Variants in CCDC91 observed in about 807,000 individuals in gnomAD.
The protein encoded by CCDC91 is coiled-coil domain containing 91, also known as coiled-coil domain-containing protein 91.
CCDC91 carries 48 observed loss-of-function variants against 63.2 expected under a neutral mutation model. That is an observed-to-expected ratio of 0.76 (90% confidence interval 0.60 to 0.97). The LOEUF is 0.97. CCDC91 is among the 50% of genes least tolerant of loss of function. The probability of loss-of-function intolerance (pLI) is 0.00; values close to 1 mark genes in which losing one functional copy is unlikely to be tolerated. For synonymous variants in CCDC91, 167 were observed against 165.8 expected (o/e 1.01, Z -0.06); for missense variants, 500 against 494.6 (o/e 1.01, Z -0.10).
chr12:28,378,538 G>A (rs1945087992), intron 7 of CCDC91, among the ~76,000 whole-genome samples: 1 of 151,924 alleles, frequency 6.6e-6, no homozygotes, highest in Non-Finnish European at 1.5e-5. Flanking sequence ...TCCCTTGATT[G>A]GATATTGCTA....
chr12:28,483,690 G>A (rs1454713628), intron 11 of CCDC91, among the ~76,000 whole-genome samples: 2 of 152,086 alleles, frequency 1.3e-5, no homozygotes, highest in Non-Finnish European at 2.9e-5. Flanking sequence ...GAGCATTAGA[G>A]TGTTCTTGGA....
intron 8 of CCDC91, among the ~76,000 whole-genome samples, chr12:28,396,673 TGTGTGTGG>T (rs1238062565): frequency 8.7e-5 from 12 of 138,548 alleles, no homozygotes; most frequent in East Asian, 4.4e-4. Context: ...TGTGTGTGTG[TGTGTGTGG>T]GCATGTGTGT....
chr12:28,475,446 C>T (rs1231536493), intron 11 of CCDC91, among the ~76,000 whole-genome samples: 1 of 151,980 alleles, frequency 6.6e-6, no homozygotes, highest in Non-Finnish European at 1.5e-5. Context: ...TACTGTATAT[C>T]TATTAAAATT....
chr12:28,355,542 T>C (rs1943468625), intron 6 of CCDC91, among the ~76,000 whole-genome samples: 1 of 152,192 alleles, frequency 6.6e-6, no homozygotes, highest in Non-Finnish European at 1.5e-5. Flanking sequence ...GTGATGAATT[T>C]AGTGTGACCT....
intron 7 of CCDC91, among the ~76,000 whole-genome samples, chr12:28,365,958 T>G (rs979260722): frequency 6.6e-6 from 1 of 152,196 alleles, no homozygotes; most frequent in African/African-American, 2.4e-5. Context: ...CCTGTCCCTG[T>G]TGAGCTGAAA....
At chr12:28,253,502 C>G (rs943009744) in intron 1 of CCDC91, among the ~76,000 whole-genome samples, 11 of 152,136 alleles carry the variant, frequency 7.2e-5, no homozygotes, top group African/African-American at 2.7e-4. Context: ...TTAGCATATA[C>G]CTATGACTCT....
At chr12:28,448,230 G>A (rs1436582029) in intron 8 of CCDC91, among the ~76,000 whole-genome samples, 1 of 152,074 alleles carries the variant, frequency 6.6e-6, no homozygotes, top group African/African-American at 2.4e-5. Flanking sequence ...AGAAGAATGT[G>A]GAAGAATTCG....
chr12:28,525,601 A>T (rs1192049141), intron 12 of CCDC91, among the ~76,000 whole-genome samples: 1 of 152,062 alleles, frequency 6.6e-6, no homozygotes, highest in Non-Finnish European at 1.5e-5. Flanking sequence ...CGTTCTGTAA[A>T]TATCTGTTAA....
chr12:28,373,440 T>C (rs1205553951), intron 7 of CCDC91, among the ~76,000 whole-genome samples: 2 of 152,156 alleles, frequency 1.3e-5, no homozygotes, highest in Non-Finnish European at 2.9e-5. Context: ...TTACTTTCAT[T>C]ATGTATGTGT....
At chr12:28,403,706 A>C (rs1040695121) in intron 8 of CCDC91, among the ~76,000 whole-genome samples, 2 of 152,158 alleles carry the variant, frequency 1.3e-5, no homozygotes, top group African/African-American at 4.8e-5. Flanking sequence ...AATGTATTTA[A>C]TAGATATAGG....
chr12:28,359,928 A>G (rs2138495702), intron 6 of CCDC91, among the ~76,000 whole-genome samples: 1 of 152,316 alleles, frequency 6.6e-6, no homozygotes, highest in East Asian at 1.9e-4. Context: ...GGAGTTCCAA[A>G]GTGATGAGTT....
intron 3 of CCDC91, among the ~76,000 whole-genome samples, chr12:28,263,008 A>T (rs528194854): frequency 6.6e-6 from 1 of 152,072 alleles, no homozygotes; most frequent in African/African-American, 2.4e-5. Flanking sequence ...AAACTGTGAT[A>T]CACATAGTGT....
rs138211713 is a variant in CCDC91 at position 28,429,834 on chromosome 12, T to TA, written c.763-20318dup. ...CAATTTTGTAATTACAAATCAAGAT[T>TA]AAAAAAAAATTTAATCGCATCCCAA... On this transcript the variant is annotated intron_variant, in intron 8 of 12. Coordinates refer to ENST00000536442, the MANE Select transcript of CCDC91 (RefSeq NM_018318.5). Among the ~76,000 whole-genome samples the TA allele has an allele frequency of 5.3e-5, 8 of 151,650 alleles. No individual in the cohort carries two copies. The East Asian group carries it at 1.2e-3, about 22-fold the overall frequency.
intron 6 of CCDC91, among the ~76,000 whole-genome samples, chr12:28,316,772 A>G (rs1939935174): frequency 6.6e-6 from 1 of 151,700 alleles, no homozygotes; most frequent in South Asian, 2.1e-4. Context: ...GTCTGATAAA[A>G]AAAATATAGT....
chr12:28,210,297 C>A (rs1247801644), intron 1 of CCDC91, among the ~76,000 whole-genome samples: 1 of 152,074 alleles, frequency 6.6e-6, no homozygotes, highest in Non-Finnish European at 1.5e-5. Context: ...TGTTTTATTT[C>A]CCAAAGATTA....
At chr12:28,403,897 A>G (rs2139566457) in intron 8 of CCDC91, among the ~76,000 whole-genome samples, 1 of 152,026 alleles carries the variant, frequency 6.6e-6, no homozygotes, top group South Asian at 2.1e-4. Context: ...GACATTAGTA[A>G]TTTGTGTTCA....
chr12:28,312,597 A>G (rs1291856446), intron 6 of CCDC91, among the ~76,000 whole-genome samples: 1 of 152,074 alleles, frequency 6.6e-6, no homozygotes, highest in Non-Finnish European at 1.5e-5. Context: ...TGTATGTTAA[A>G]TATGTATAGG....
At chr12:28,287,075 G>A (rs1948957496) in intron 3 of CCDC91, among the ~76,000 whole-genome samples, 1 of 151,832 alleles carries the variant, frequency 6.6e-6, no homozygotes, top group Admixed American at 6.6e-5. Flanking sequence ...TCTTGTAAAT[G>A]TGTATAAGTT....
chr12:28,249,135 G>A (rs1489088182), intron 1 of CCDC91, among the ~76,000 whole-genome samples: 4 of 152,216 alleles, frequency 2.6e-5, no homozygotes, highest in Non-Finnish European at 4.4e-5. Context: ...TTTGAGGAGA[G>A]TTGGCAGTCT....
Sources: allele counts gnomAD v4.1 joint callset (sites outside exome capture counted in the v4.1 genomes callset), GRCh38; gene constraint gnomAD v4.1.1; transcripts MANE v1.5; gene names NCBI Gene and HGNC (gene_info 2026-07-23, HGNC 2026-07-21).